The following GRID2 variants were observed in gnomAD, a reference collection of about 807,000 sequenced individuals.
GRID2 encodes glutamate receptor ionotropic, delta-2.
Under a neutral mutation model 114.8 loss-of-function variants are expected in GRID2, and 33 were observed. That is an observed-to-expected ratio of 0.29 (90% CI 0.22 to 0.38). The LOEUF (loss-of-function observed/expected upper bound fraction) is 0.38. Among genes scored for constraint, GRID2 ranks in the 10% least tolerant of loss-of-function variants. The pLI is 1.00. For missense variants in GRID2, 1,184 were observed against 1,257.7 expected, an observed-to-expected ratio of 0.94 and a Z score of 0.89; for synonymous variants, 505 against 449.9, an observed-to-expected ratio of 1.12 and a Z score of -1.55.
intron 2 of GRID2, among the ~76,000 whole-genome samples, chr4:92,594,213 T>A (rs12500850): frequency 0.3 from 45,507 of 151,436 alleles, 6,684 homozygotes; most frequent in Middle Eastern, 0.39. Context: ...ATTATAGGAC[T>A]TCAGTAAATA....
chr4:93,505,191 G>T (rs1008475545), intron 12 of GRID2, among the ~76,000 whole-genome samples: 1 of 151,944 alleles, frequency 6.6e-6, no homozygotes, highest in Non-Finnish European at 1.5e-5. Context: ...CTGGTATTAT[G>T]ATTATTTTAG....
intron 1 of GRID2, among the ~76,000 whole-genome samples, chr4:92,444,185 C>T (rs955907218): frequency 4.6e-5 from 7 of 152,136 alleles, no homozygotes; most frequent in Admixed American, 2.6e-4. Flanking sequence ...TCCCCCGATC[C>T]GAGTCATGGC....
chr4:92,608,491 C>T (rs747382726), intron 2 of GRID2, among the ~76,000 whole-genome samples: 13 of 151,768 alleles, frequency 8.6e-5, no homozygotes, highest in Non-Finnish European at 1.8e-4. Context: ...TTGCTTTTCA[C>T]ATTAAAGAAA....
chr4:92,837,761 CTATT>C (rs1376590631), intron 2 of GRID2, among the ~76,000 whole-genome samples: 1 of 152,066 alleles, frequency 6.6e-6, no homozygotes, highest in African/African-American at 2.4e-5. Context: ...GGACTAGGAT[CTATT>C]TATTCTCATC....
chr4:92,446,335 C>T (rs893512726), intron 1 of GRID2, among the ~76,000 whole-genome samples: 1 of 152,164 alleles, frequency 6.6e-6, no homozygotes, highest in African/African-American at 2.4e-5. Flanking sequence ...CAAAGAACTA[C>T]CACAAGGTCT....
chr4:93,762,284 G>A (rs1215193740), intron 14 of GRID2, among the ~76,000 whole-genome samples: 3 of 151,856 alleles, frequency 2.0e-5, no homozygotes, highest in African/African-American at 4.8e-5. Context: ...TTGAGTAATG[G>A]GACTCTCTCC....
At chr4:92,441,383 CA>C (rs1473451181) in intron 1 of GRID2, among the ~76,000 whole-genome samples, 14 of 151,972 alleles carry the variant, frequency 9.2e-5, no homozygotes, top group Non-Finnish European at 1.6e-4. Flanking sequence ...GTGTCAGGGT[CA>C]GTCCAAGTGA....
intron 2 of GRID2, among the ~76,000 whole-genome samples, chr4:92,645,799 A>G (rs1322297482): frequency 6.6e-6 from 1 of 151,580 alleles, no homozygotes; most frequent in South Asian, 2.1e-4. Context: ...TATTGATAGT[A>G]TTTTTTCATC....
chr4:92,310,819 G>A (rs750079143), intron 1 of GRID2, among the ~76,000 whole-genome samples: 3 of 151,976 alleles, frequency 2.0e-5, no homozygotes, highest in Non-Finnish European at 2.9e-5. Context: ...GAAAGGAATT[G>A]GGAGAAGAGA....
intron 2 of GRID2, among the ~76,000 whole-genome samples, chr4:92,827,479 T>C (rs774999833): frequency 1.3e-5 from 2 of 151,958 alleles, no homozygotes; most frequent in Non-Finnish European, 2.9e-5. Flanking sequence ...AACATTTATG[T>C]GTTTAACACC....
intron 2 of GRID2, among the ~76,000 whole-genome samples, chr4:92,945,835 T>G (rs767299903): frequency 2.6e-5 from 4 of 152,002 alleles, no homozygotes; most frequent in Non-Finnish European, 5.9e-5. Context: ...TTTTGATTTT[T>G]CAGGTCTGCC....
chr4:93,692,533 G>A (rs1726661330), intron 14 of GRID2, among the ~76,000 whole-genome samples: 1 of 152,098 alleles, frequency 6.6e-6, no homozygotes, highest in Admixed American at 6.6e-5. Flanking sequence ...AAATCATTAA[G>A]TAATATTTTT....
At chr4:93,513,108 T>C (rs1729358865) in intron 12 of GRID2, among the ~76,000 whole-genome samples, 1 of 152,152 alleles carries the variant, frequency 6.6e-6, no homozygotes, top group Non-Finnish European at 1.5e-5. Flanking sequence ...GGCCCAATCT[T>C]GTACTGGTAG....
At chr4:92,310,082 A>G (rs1204097632) in intron 1 of GRID2, among the ~76,000 whole-genome samples, 2 of 152,118 alleles carry the variant, frequency 1.3e-5, no homozygotes. Context: ...ATGTTTTCAG[A>G]TAATTTTTGC....
intron 13 of GRID2, among the ~76,000 whole-genome samples, chr4:93,604,774 G>T (rs1392406304): frequency 6.6e-6 from 1 of 152,182 alleles, no homozygotes; most frequent in African/African-American, 2.4e-5. Context: ...CCAGCAAAAA[G>T]ATTACAACTT....
intron 14 of GRID2, among the ~76,000 whole-genome samples, chr4:93,671,186 C>T (rs1231426053): frequency 6.6e-6 from 1 of 152,132 alleles, no homozygotes; most frequent in Admixed American, 6.6e-5. Flanking sequence ...TTCGCTGTGG[C>T]AGAAAGCACT....
intron 2 of GRID2, among the ~76,000 whole-genome samples, chr4:92,623,090 AC>A (rs1175837543): frequency 1.3e-5 from 2 of 151,716 alleles, no homozygotes; most frequent in African/African-American, 4.8e-5. Flanking sequence ...TCTATAAAAA[AC>A]TAATAAAATT....
chr4:92,856,040 A>G (rs1226319005), intron 2 of GRID2, among the ~76,000 whole-genome samples: 1 of 152,032 alleles, frequency 6.6e-6, no homozygotes, highest in African/African-American at 2.4e-5. Context: ...TACTGTAAAA[A>G]GTGGATGAGT....
At chr4:93,459,046 G>C (rs1268960424) in intron 11 of GRID2, among the ~76,000 whole-genome samples, 7 of 151,936 alleles carry the variant, frequency 4.6e-5, no homozygotes, top group African/African-American at 1.5e-4. Flanking sequence ...CAGGCATGGT[G>C]GTGGGCGCCT....
Sources: allele counts gnomAD v4.1 joint callset (sites outside exome capture counted in the v4.1 genomes callset), GRCh38; gene constraint gnomAD v4.1.1; transcripts MANE v1.5; gene names NCBI Gene and HGNC (gene_info 2026-07-23, HGNC 2026-07-21).